The following GABRB3 variants were observed in gnomAD, a reference collection of about 807,000 sequenced individuals.
GABRB3 encodes the protein gamma-aminobutyric acid receptor subunit beta-3.
GABRB3 carries 14 observed loss-of-function variants against 52.1 expected under a neutral mutation model. That is an observed-to-expected ratio of 0.27 (90% confidence interval 0.18 to 0.42). GABRB3 has a LOEUF of 0.42. Ranked by LOEUF, GABRB3 falls within the 10% of genes least tolerant of loss-of-function variation. The probability of loss-of-function intolerance (pLI) is 1.00; values close to 1 mark genes in which losing one functional copy is unlikely to be tolerated. For synonymous variants in GABRB3, 260 were observed against 232.3 expected (o/e 1.12, Z -1.08); for missense variants, 307 against 609.1 (o/e 0.50, Z 5.22).
upstream of GABRB3, chr15:26,773,590 G>A (rs1422890398): frequency 6.9e-7 from 1 of 1,446,570 alleles, no homozygotes; most frequent in African/African-American, 1.4e-5. Context: ...CCGCCGGACT[G>A]CGGGCCGCCG....
chr15:26,700,504 A>G (rs1185751667), intron 3 of GABRB3, among the ~76,000 whole-genome samples: 25 of 152,254 alleles, frequency 1.6e-4, no homozygotes, highest in Non-Finnish European at 2.2e-4. Context: ...CTGAATCACA[A>G]GTAAATTTCA....
At chr15:26,660,449 A>G (rs1366656603) in intron 3 of GABRB3, among the ~76,000 whole-genome samples, 1 of 152,156 alleles carries the variant, frequency 6.6e-6, no homozygotes, top group Non-Finnish European at 1.5e-5. Context: ...CTAAGCTTCT[A>G]TATATAGAGG....
chr15:26,773,266 C>T (rs1463524711), upstream of GABRB3, among the ~76,000 whole-genome samples: 1 of 150,134 alleles, frequency 6.7e-6, no homozygotes, highest in African/African-American at 2.4e-5. Context: ...GCCCTGGGCG[C>T]TCCCCTCCCG....
intron 3 of GABRB3, among the ~76,000 whole-genome samples, chr15:26,714,459 A>T (rs1190460282): frequency 6.6e-6 from 1 of 152,244 alleles, no homozygotes; most frequent in Non-Finnish European, 1.5e-5. Flanking sequence ...GACATGAGAC[A>T]TCAATCAATG....
At chr15:26,773,728 G>A, upstream of GABRB3, 2 of 1,562,160 alleles carry the variant, frequency 1.3e-6, no homozygotes, top group Non-Finnish European at 1.7e-6. Context: ...AGCACATGGC[G>A]CTGTTCCTCC....
intron 3 of GABRB3, among the ~76,000 whole-genome samples, chr15:26,743,334 T>C (rs1168989128): frequency 2.6e-5 from 4 of 152,176 alleles, no homozygotes; most frequent in Admixed American, 2.6e-4. Context: ...CCCTCAGCTC[T>C]GCAGGAGAAA....
intron 4 of GABRB3, among the ~76,000 whole-genome samples, chr15:26,617,000 C>T (rs576709519): frequency 3.3e-5 from 5 of 151,902 alleles, no homozygotes; most frequent in African/African-American, 1.2e-4. Context: ...ATTTATCCAT[C>T]GACACATACA....
At chr15:26,590,924 AG>A (rs1410661340) in intron 4 of GABRB3, among the ~76,000 whole-genome samples, 10 of 152,354 alleles carry the variant, frequency 6.6e-5, no homozygotes, top group African/African-American at 2.4e-4. Flanking sequence ...ACCACGTGCC[AG>A]CCCCATGCTT....
intron 3 of GABRB3, among the ~76,000 whole-genome samples, chr15:26,675,300 G>A (rs1050117831): frequency 6.6e-6 from 1 of 152,198 alleles, no homozygotes; most frequent in East Asian, 1.9e-4. Context: ...GTGGAGCACT[G>A]GCTCAAAAGA....
chr15:26,650,991 C>T (rs929056160), intron 3 of GABRB3, among the ~76,000 whole-genome samples: 8 of 152,158 alleles, frequency 5.3e-5, no homozygotes, highest in African/African-American at 9.7e-5. Flanking sequence ...ACTGTCTGTG[C>T]GACCAACCCA....
At chr15:26,732,581 T>C (rs1889960899) in intron 3 of GABRB3, among the ~76,000 whole-genome samples, 1 of 152,014 alleles carries the variant, frequency 6.6e-6, no homozygotes, top group African/African-American at 2.4e-5. Context: ...ATTTTTTTTT[T>C]TTTTTGAGAT....
intron 3 of GABRB3, among the ~76,000 whole-genome samples, chr15:26,702,545 G>C (rs1195798737): frequency 6.6e-6 from 1 of 152,196 alleles, no homozygotes; most frequent in African/African-American, 2.4e-5. Flanking sequence ...ATTTTAAAGA[G>C]ATTGACCATA....
At chr15:26,582,681 C>G (rs562415866) in intron 5 of GABRB3, among the ~76,000 whole-genome samples, 2 of 152,300 alleles carry the variant, frequency 1.3e-5, no homozygotes, top group South Asian at 4.1e-4. Context: ...AAGTCAAAGT[C>G]ATTTATCCCC....
At position 26,720,882 on chromosome 15, in the gene GABRB3, GTTTAT is replaced by G. The variant is rs145742033; in HGVS notation, c.240+51515_240+51519del. Among the ~76,000 whole-genome samples the G allele has an allele frequency of 4.6e-3, 699 of 152,180 alleles. 18 individuals are homozygous for G. The East Asian group carries it at 0.082, about 18-fold the overall frequency. ...ATTGTGCGGATATTCCCAAGATTCTGTTTATTTTATCAGAAAAGTGTTAAAAAAAT... is the reference window on the plus strand; with the variant it reads ...ATTGTGCGGATATTCCCAAGATTCTGTTTATCAGAAAAGTGTTAAAAAAAT... On this transcript the variant is annotated intron_variant, in intron 3 of 8. Transcript: ENST00000311550.
chr15:26,662,688 C>A (rs1566795559), intron 3 of GABRB3, among the ~76,000 whole-genome samples: 1 of 152,156 alleles, frequency 6.6e-6, no homozygotes, highest in Non-Finnish European at 1.5e-5. Flanking sequence ...GCCCTCACTT[C>A]TAATGCACAG....
intron 3 of GABRB3, among the ~76,000 whole-genome samples, chr15:26,762,605 T>C (rs991089511): frequency 6.6e-6 from 1 of 151,850 alleles, no homozygotes; most frequent in East Asian, 1.9e-4. Context: ...ATCATTAATG[T>C]ATTAAAGAAC....
intron 6 of GABRB3, among the ~76,000 whole-genome samples, chr15:26,571,671 T>G (rs1261495574): frequency 2.0e-5 from 3 of 152,114 alleles, no homozygotes; most frequent in Non-Finnish European, 4.4e-5. Context: ...AATACGAAAC[T>G]GATTTCAAAA....
chr15:26,765,623 T>C lies in GABRB3; in HGVS notation c.240+6779A>G, dbSNP rs190869805. Among the ~76,000 whole-genome samples, 302 of 152,314 alleles carry C rather than the reference T, an allele frequency of 2.0e-3. 1 individual carries two copies. Among genetic ancestry groups the C allele is most frequent in the African/African-American group, 6.4e-3 (265 of 41,576 alleles). On this transcript the variant is annotated intron_variant, in intron 3 of 8. Coordinates refer to ENST00000311550, the MANE Select transcript of GABRB3 (RefSeq NM_000814.6). ...ATATTCCTTTCCACAAATATTCGTA[T>C]CTATTGAATATTGGATCCTATGCAA...
chr15:26,568,609 T>C (rs1018785934), intron 6 of GABRB3, among the ~76,000 whole-genome samples: 2 of 150,918 alleles, frequency 1.3e-5, no homozygotes, highest in Non-Finnish European at 3.0e-5. Context: ...GCGATTCTCT[T>C]GCCTCAGCCT....
Sources: allele counts gnomAD v4.1 joint callset (sites outside exome capture counted in the v4.1 genomes callset), GRCh38; gene constraint gnomAD v4.1.1; transcripts MANE v1.5; gene names NCBI Gene and HGNC (gene_info 2026-07-23, HGNC 2026-07-21).